The following TACC1 variants were observed in gnomAD, a reference collection of about 807,000 sequenced individuals.
TACC1 encodes transforming acidic coiled-coil containing protein 1.
TACC1 carries 48 observed loss-of-function variants against 84.4 expected under a neutral mutation model. That is an observed-to-expected ratio of 0.57 (90% confidence interval 0.45 to 0.72). TACC1 has a LOEUF of 0.72. Ranked by LOEUF, TACC1 falls within the 30% of genes least tolerant of loss-of-function variation. The probability of loss-of-function intolerance (pLI) is 0.00; values close to 1 mark genes in which losing one functional copy is unlikely to be tolerated. For missense variants in TACC1, 920 were observed against 973.0 expected (o/e 0.95, Z 0.72); for synonymous variants, 372 against 376.3 (o/e 0.99, Z 0.13).
chr8:38,779,829 G>A (rs894759596), intron 3 of TACC1, among the ~76,000 whole-genome samples: 2 of 152,356 alleles, frequency 1.3e-5, no homozygotes, highest in African/African-American at 2.4e-5. Flanking sequence ...CAAAAAGGCC[G>A]TAACAATACT....
chr8:38,843,167 A>G, intron 10 of TACC1, 122 bp from the exon 11 acceptor site: 2 of 616,054 alleles, frequency 3.2e-6, no homozygotes, highest in Non-Finnish European at 5.5e-6. Context: ...ACTGCAGAGT[A>G]TGAATAAAAG....
At chr8:38,730,565 T>C (rs1156504682) in intron 1 of TACC1, among the ~76,000 whole-genome samples, 1 of 152,236 alleles carries the variant, frequency 6.6e-6, no homozygotes, top group South Asian at 2.1e-4. Flanking sequence ...ACCCCCACTC[T>C]GCTGTGTGGA....
At chr8:38,753,691 C>G (rs1809436870) in intron 3 of TACC1, among the ~76,000 whole-genome samples, 1 of 152,196 alleles carries the variant, frequency 6.6e-6, no homozygotes. Flanking sequence ...GTCCACTCAG[C>G]CTGGCCCAAA....
At chr8:38,729,584 T>G (rs1459205949) in intron 1 of TACC1, among the ~76,000 whole-genome samples, 1 of 152,166 alleles carries the variant, frequency 6.6e-6, no homozygotes, top group Non-Finnish European at 1.5e-5. Context: ...AAACGTCTTG[T>G]GTGGCCGGGC....
At chr8:38,750,708 A>C (rs564530166) in intron 3 of TACC1, among the ~76,000 whole-genome samples, 1 of 152,378 alleles carries the variant, frequency 6.6e-6, no homozygotes, top group South Asian at 2.1e-4. Context: ...GTTATAAGAC[A>C]CTTTGTTTAC....
At position 38,840,258 on chromosome 8, in the gene TACC1, C is replaced by T. The variant is rs369036257; in HGVS notation, c.1951C>T (p.Gln651Ter). 1.9e-6 allele frequency: 3 copies of T among 1,612,618 alleles called. No homozygotes were observed. Among genetic ancestry groups the T allele is most frequent in the Non-Finnish European group, 2.5e-6 (3 of 1,179,106 alleles). Residue 651 changes from glutamine (Q) to a stop codon, truncating the protein, a stop_gained, in exon 9 of 13, where the codon CAA becomes TAA. Coordinates refer to ENST00000317827, the MANE Select transcript of TACC1 (RefSeq NM_006283.3). LOFTEE classifies it high-confidence loss of function. ...AGCTGAATATGAAAAGACTATTGCTCAAATGATTGGTAAGGAGAACATTTT... is the reference window on the plus strand; with the variant it reads ...AGCTGAATATGAAAAGACTATTGCTTAAATGATTGGTAAGGAGAACATTTT... Reference protein sequence around the residue: ...IVAEYEKTIAQMIEDEQRTSM... With the variant: ...IVAEYEKTIA
intron 3 of TACC1, among the ~76,000 whole-genome samples, chr8:38,772,606 GCA>G (rs1357338079): frequency 6.6e-6 from 1 of 152,110 alleles, no homozygotes; most frequent in Non-Finnish European, 1.5e-5. Flanking sequence ...GGTCTTGGCT[GCA>G]CATCCTGGTT....
chr8:38,796,768 G>A (rs1030424867), intron 2 of TACC1, among the ~76,000 whole-genome samples: 2 of 152,254 alleles, frequency 1.3e-5, no homozygotes, highest in African/African-American at 4.8e-5. Context: ...AGAGGCAGGT[G>A]TGTGGAGGTG....
chr8:38,760,118 A>C (rs1810928358), intron 3 of TACC1, among the ~76,000 whole-genome samples: 1 of 152,220 alleles, frequency 6.6e-6, no homozygotes, highest in African/African-American at 2.4e-5. Flanking sequence ...ATGTTTCACA[A>C]TGTTCACAAT....
At chr8:38,784,011 G>C (rs143920816), upstream of TACC1, among the ~76,000 whole-genome samples, 418 of 152,318 alleles carry the variant, frequency 2.7e-3, 2 homozygotes, top group African/African-American at 9.8e-3. Context: ...CCCTTGCCTG[G>C]TTAGACTGAG....
intron 10 of TACC1, 48 bp from the exon 11 acceptor site, chr8:38,843,241 A>G (rs1265163317): frequency 7.5e-7 from 1 of 1,324,906 alleles, no homozygotes; most frequent in Non-Finnish European, 1.0e-6. Flanking sequence ...GTGGTAGATT[A>G]GAAGAAACAA....
intron 1 of TACC1, among the ~76,000 whole-genome samples, chr8:38,730,737 C>G (rs990735144): frequency 2.0e-5 from 3 of 152,156 alleles, no homozygotes; most frequent in Non-Finnish European, 4.4e-5. Flanking sequence ...GTGAGTGTGG[C>G]TTTTTCGTAT....
chr8:38,827,492 T>G lies in TACC1; in HGVS notation c.1660+117T>G, dbSNP rs536180965. ...GAATTGGGTCACTTGAAGGATAGAT[T>G]TAGGATGCTGACCTATGCTTTGCTT... is the stretch of plus-strand genomic sequence containing the variant. On this transcript the variant is annotated intron_variant, in intron 5 of 12. Transcript: ENST00000317827. The G allele has an allele frequency of 1.0e-4, 108 of 1,057,570 alleles. 2 individuals are homozygous for G. In the South Asian group the frequency reaches 1.5e-3, roughly 15 times the overall value. The allele number at this position is 1,057,570 out of a possible 1,614,324, so 65.5% of individuals were successfully genotyped here. A position where few individuals can be genotyped will look rare whatever the true frequency, so the allele number is the denominator to read the frequency against.
intron 5 of TACC1, chr8:38,827,583 A>G (rs899712540): frequency 1.7e-6 from 1 of 594,420 alleles, no homozygotes. Flanking sequence ...ACTTGTGACA[A>G]GTTGTATAGG....
At chr8:38,843,605 C>G in intron 11 of TACC1, 1 of 335,634 alleles carries the variant, frequency 3.0e-6, no homozygotes, top group South Asian at 8.8e-5. Context: ...CCATCTTTCT[C>G]TATGCCAGGT....
Position 38,819,574 on chromosome 8 carries a change from A to G in TACC1, c.330A>G (p.Ser110=), listed in dbSNP as rs754528879. The G allele has an allele frequency of 3.1e-6, 5 of 1,614,152 alleles. No homozygotes were observed. Among genetic ancestry groups the G allele is most frequent in the East Asian group, 4.5e-5 (2 of 44,884 alleles). Residue 110 remains serine (S), a synonymous_variant, in exon 3 of 13, where the codon TCA becomes TCG. Transcript: ENST00000317827. Reference sequence around the variant, plus strand: ...TAGCAGAAGTGGTTGAAAAATGTTCATCTAAGACTTGTTCTAAACCTTCAG... The same window carrying G: ...TAGCAGAAGTGGTTGAAAAATGTTCGTCTAAGACTTGTTCTAAACCTTCAG... ...QLVAEVVEKC[S]SKTCSKPSEN... is the part of the protein sequence containing the mutation.
At chr8:38,802,006 C>G (rs1821487137) in intron 2 of TACC1, among the ~76,000 whole-genome samples, 2 of 152,314 alleles carry the variant, frequency 1.3e-5, no homozygotes, top group South Asian at 4.1e-4. Flanking sequence ...CTCAACCTCC[C>G]AGGCTTAGAC....
At chr8:38,813,595 A>G (rs1253646629) in intron 2 of TACC1, among the ~76,000 whole-genome samples, 2 of 152,192 alleles carry the variant, frequency 1.3e-5, no homozygotes, top group Admixed American at 6.5e-5. Context: ...TTGAGTTGCA[A>G]TCACATGTTA....
intron 1 of TACC1, among the ~76,000 whole-genome samples, chr8:38,741,838 A>G (rs2151680109): frequency 6.6e-6 from 1 of 152,110 alleles, no homozygotes; most frequent in African/African-American, 2.4e-5. Flanking sequence ...TTATAGGTAG[A>G]CTCTATCTCT....
Sources: allele counts gnomAD v4.1 joint callset (sites outside exome capture counted in the v4.1 genomes callset), GRCh38; gene constraint gnomAD v4.1.1; transcripts MANE v1.5; gene names NCBI Gene and HGNC (gene_info 2026-07-23, HGNC 2026-07-21).